CDKAL1: variants seen among roughly 807,000 people sequenced by gnomAD.
CDKAL1 encodes CDKAL1 threonylcarbamoyladenosine tRNA methylthiotransferase.
Under a neutral mutation model 68.2 loss-of-function variants are expected in CDKAL1, and 32 were observed. The ratio of observed to expected loss-of-function variants is 0.47; its 90% CI spans 0.35 to 0.63. The LOEUF is 0.63. CDKAL1 is among the 30% of genes least tolerant of loss of function. CDKAL1 has a pLI of 0.00. For missense variants in CDKAL1, 606 were observed against 696.7 expected (o/e 0.87, Z 1.47); for synonymous variants, 234 against 244.3 (o/e 0.96, Z 0.39).
chr6:20,626,559 A>C (rs761174515), intron 4 of CDKAL1, among the ~76,000 whole-genome samples: 1 of 152,162 alleles, frequency 6.6e-6, no homozygotes, highest in Non-Finnish European at 1.5e-5. Context: ...AATATTTTAA[A>C]ACTTATTACT....
chr6:20,964,893 T>C (rs1179291855), intron 10 of CDKAL1, among the ~76,000 whole-genome samples: 1 of 152,180 alleles, frequency 6.6e-6, no homozygotes, highest in African/African-American at 2.4e-5. Flanking sequence ...GTTTATAAAA[T>C]GCAGTGACAC....
intron 5 of CDKAL1, among the ~76,000 whole-genome samples, chr6:20,683,923 A>G (rs984369747): frequency 6.6e-6 from 1 of 152,190 alleles, no homozygotes; most frequent in Non-Finnish European, 1.5e-5. Flanking sequence ...CCACTGTTTT[A>G]TATTTCCCCA....
chr6:21,141,882 G>A (rs915737950), intron 13 of CDKAL1, among the ~76,000 whole-genome samples: 3 of 152,160 alleles, frequency 2.0e-5, no homozygotes, highest in Non-Finnish European at 4.4e-5. Flanking sequence ...ACAGAAGTTG[G>A]AGTAAGCATT....
intron 4 of CDKAL1, among the ~76,000 whole-genome samples, chr6:20,559,992 G>A (rs1400581343): frequency 6.6e-6 from 1 of 151,930 alleles, no homozygotes; most frequent in Non-Finnish European, 1.5e-5. Flanking sequence ...TTTAATTTTG[G>A]GGAGAAAAAA....
At chr6:20,857,238 G>A (rs906725331) in intron 9 of CDKAL1, among the ~76,000 whole-genome samples, 6 of 152,094 alleles carry the variant, frequency 3.9e-5, no homozygotes, top group South Asian at 2.1e-4. Context: ...TTAAAAATAC[G>A]TCCTCTTAGT....
At chr6:20,851,330 T>A (rs1759000491) in intron 9 of CDKAL1, among the ~76,000 whole-genome samples, 1 of 152,196 alleles carries the variant, frequency 6.6e-6, no homozygotes, top group South Asian at 2.1e-4. Flanking sequence ...GGGGCCAGAA[T>A]GAATTTACAA....
intron 13 of CDKAL1, among the ~76,000 whole-genome samples, chr6:21,133,069 A>G (rs1298705191): frequency 6.6e-6 from 1 of 152,212 alleles, no homozygotes; most frequent in Non-Finnish European, 1.5e-5. Flanking sequence ...TATTAAACAT[A>G]ACAGAGACTA....
intron 15 of CDKAL1, among the ~76,000 whole-genome samples, chr6:21,207,221 A>AT (rs34085972): frequency 2.9e-4 from 44 of 149,292 alleles, no homozygotes; most frequent in East Asian, 7.9e-4. Context: ...CCTACTTTAA[A>AT]TTTTTTTTTT....
At chr6:21,014,484 G>T (rs896818973) in intron 11 of CDKAL1, among the ~76,000 whole-genome samples, 1 of 151,526 alleles carries the variant, frequency 6.6e-6, no homozygotes, top group Admixed American at 6.6e-5. Flanking sequence ...GGCAGTGGGT[G>T]CCTGTAGTCC....
intron 12 of CDKAL1, among the ~76,000 whole-genome samples, chr6:21,091,949 T>C (rs529766899): frequency 1.9e-4 from 25 of 132,082 alleles, no homozygotes; most frequent in South Asian, 5.0e-4. Flanking sequence ...TGCAGTGGCG[T>C]GATCTCGGCT....
chr6:20,802,737 C>A (rs1024268578), intron 8 of CDKAL1, among the ~76,000 whole-genome samples: 9 of 152,058 alleles, frequency 5.9e-5, no homozygotes, highest in Non-Finnish European at 8.8e-5. Context: ...ATGTTCGTTT[C>A]AAAAATGCAA....
chr6:20,786,137 A>G (rs759616819), intron 8 of CDKAL1, among the ~76,000 whole-genome samples: 23 of 152,150 alleles, frequency 1.5e-4, no homozygotes, highest in Non-Finnish European at 2.8e-4. Context: ...AGGCAGGAGA[A>G]TTGCTTGAAC....
intron 15 of CDKAL1, among the ~76,000 whole-genome samples, chr6:21,227,476 A>T (rs1779793720): frequency 6.6e-6 from 1 of 152,224 alleles, no homozygotes; most frequent in African/African-American, 2.4e-5. Flanking sequence ...TCCTTTTATC[A>T]AGATCTTGAT....
intron 13 of CDKAL1, among the ~76,000 whole-genome samples, chr6:21,141,859 A>G (rs1259954747): frequency 6.6e-6 from 1 of 152,222 alleles, no homozygotes; most frequent in Non-Finnish European, 1.5e-5. Context: ...TATTGACCCA[A>G]AATGAGGTAA....
intron 13 of CDKAL1, among the ~76,000 whole-genome samples, chr6:21,130,204 T>G (rs73383759): frequency 0.013 from 2,011 of 150,598 alleles, 40 homozygotes; most frequent in African/African-American, 0.044. Context: ...CTCTGCCTTG[T>G]AGCAAATTGG....
chr6:20,559,007 C>T (rs1239464174), intron 4 of CDKAL1: 3 of 152,896 alleles, frequency 2.0e-5, no homozygotes, highest in Admixed American at 1.3e-4. Context: ...TTTCTGATCT[C>T]TACATTCTAT....
At position 21,205,617 on chromosome 6, in the gene CDKAL1, G is replaced by A. The variant is rs539586012; in HGVS notation, c.1548+4343G>A. 1.0e-3 allele frequency among the ~76,000 whole-genome samples: 159 copies of A among 151,590 alleles called. No individual in the cohort carries two copies. In the Middle Eastern group the frequency reaches 0.014, roughly 13 times the overall value. On this transcript the variant is annotated intron_variant, in intron 15 of 15. Coordinates refer to ENST00000274695, the MANE Select transcript of CDKAL1 (RefSeq NM_017774.3). ...CTGATCTCGGCTCACTGTAAGCTCC[G>A]CCTCCTGGGTTCACGCCATTCTCCT...
intron 10 of CDKAL1, among the ~76,000 whole-genome samples, chr6:20,993,315 AG>A (rs1766936574): frequency 6.6e-6 from 1 of 151,844 alleles, no homozygotes; most frequent in South Asian, 2.1e-4. Context: ...CTTTTTTTGG[AG>A]GTTTTTTTTT....
At chr6:20,990,965 T>A (rs1291036546) in intron 10 of CDKAL1, among the ~76,000 whole-genome samples, 1 of 152,166 alleles carries the variant, frequency 6.6e-6, no homozygotes, top group East Asian at 1.9e-4. Flanking sequence ...GGGCCAGGAA[T>A]TGAGCAAGGG....
Sources: allele counts gnomAD v4.1 joint callset (sites outside exome capture counted in the v4.1 genomes callset), GRCh38; gene constraint gnomAD v4.1.1; transcripts MANE v1.5; gene names NCBI Gene and HGNC (gene_info 2026-07-23, HGNC 2026-07-21).